TF: variants seen among roughly 807,000 people sequenced by gnomAD.
TF encodes serotransferrin.
TF carries 55 observed loss-of-function variants against 82.4 expected under a neutral mutation model. The ratio of observed to expected loss-of-function variants is 0.67; its 90% CI spans 0.54 to 0.84. TF has a LOEUF of 0.84. Among genes scored for constraint, TF ranks in the 40% least tolerant of loss-of-function variants. The probability of loss-of-function intolerance (pLI) is 0.00; values close to 1 mark genes in which losing one functional copy is unlikely to be tolerated. For missense variants in TF, 737 were observed against 868.4 expected (o/e 0.85, Z 1.90); for synonymous variants, 332 against 332.6 (o/e 1.00, Z 0.02).
At chr3:133,695,617 A>G in the TF span, among the ~76,000 whole-genome samples, 4 of 152,218 alleles carry the variant, frequency 2.6e-5, no homozygotes, top group African/African-American at 9.6e-5. Context: ...AAGTTGCCTT[A>G]TATCTAGAGA....
chr3:133,693,469 T>C, the TF span, among the ~76,000 whole-genome samples: 4 of 152,226 alleles, frequency 2.6e-5, no homozygotes, highest in East Asian at 5.8e-4. Context: ...TACATCTTTT[T>C]GAGTCCGGCC....
the TF span, among the ~76,000 whole-genome samples, chr3:133,732,928 G>A: frequency 2.0e-5 from 3 of 152,314 alleles, no homozygotes; most frequent in South Asian, 4.1e-4. Flanking sequence ...AGAAGTGAAC[G>A]ACCAAGCCAC....
the TF span, among the ~76,000 whole-genome samples, chr3:133,726,772 C>T: frequency 1.7e-3 from 266 of 152,096 alleles, 1 homozygote; most frequent in Non-Finnish European, 3.2e-3. Flanking sequence ...TTGGATCTTT[C>T]CTGCTTTCTC....
the TF span, among the ~76,000 whole-genome samples, chr3:133,727,152 CT>C: frequency 6.6e-6 from 1 of 152,156 alleles, no homozygotes; most frequent in African/African-American, 2.4e-5. Context: ...GTGGAGAGTT[CT>C]GTAGATGTCT....
chr3:133,764,314 C>T (rs1178234119), intron 10 of TF, 39 bp downstream of exon 10: 2 of 1,517,854 alleles, frequency 1.3e-6, no homozygotes, highest in Non-Finnish European at 1.8e-6. Flanking sequence ...TTTCTTCCCT[C>T]AGGGCCATGG....
chr3:133,770,421 T>A (rs1934231402), intron 13 of TF, 87 bp from the exon 14 acceptor site: 1 of 1,225,056 alleles, frequency 8.2e-7, no homozygotes, highest in Non-Finnish European at 1.2e-6. Context: ...CAGATGGCTG[T>A]CCTGAATCTA....
At chr3:133,689,785 T>C in the TF span, among the ~76,000 whole-genome samples, 12 of 152,200 alleles carry the variant, frequency 7.9e-5, no homozygotes, top group Non-Finnish European at 1.8e-4. Flanking sequence ...ATGCAAACTG[T>C]GATAGACATT....
At chr3:133,702,078 C>T in the TF span, 1 of 152,936 alleles carries the variant, frequency 6.5e-6, no homozygotes, top group Non-Finnish European at 1.5e-5. Flanking sequence ...ACTGCCATCA[C>T]AGTTGGAGGG....
upstream of TF, chr3:133,745,837 G>A (rs1933481848): frequency 6.4e-6 from 1 of 157,024 alleles, no homozygotes. Context: ...GCTCCTCCGT[G>A]GGGGACCTTT....
chr3:133,676,823 A>G, the TF span, among the ~76,000 whole-genome samples: 1 of 152,202 alleles, frequency 6.6e-6, no homozygotes, highest in Non-Finnish European at 1.5e-5. Context: ...TGGCAATGTC[A>G]GGCTCTGACC....
At chr3:133,732,539 T>G in the TF span, among the ~76,000 whole-genome samples, 1 of 152,242 alleles carries the variant, frequency 6.6e-6, no homozygotes, top group African/African-American at 2.4e-5. Flanking sequence ...TTTCACAGTG[T>G]GGAAGTTTTA....
chr3:133,772,912 C>T (rs1408872318), intron 14 of TF: 1 of 152,028 alleles, frequency 6.6e-6, no homozygotes, highest in Non-Finnish European at 1.5e-5. Context: ...ACCTTCTTAC[C>T]TTCTTCTGTT....
chr3:133,730,355 A>G, the TF span, among the ~76,000 whole-genome samples: 1 of 152,174 alleles, frequency 6.6e-6, no homozygotes. Context: ...AGGCATGCCT[A>G]TCCTTTATGC....
At chr3:133,707,242 C>T in the TF span, among the ~76,000 whole-genome samples, 53 of 145,790 alleles carry the variant, frequency 3.6e-4, no homozygotes, top group South Asian at 0.011. Flanking sequence ...AGATGGATGA[C>T]AATAATGAAT....
chr3:133,706,176 G>T, the TF span, among the ~76,000 whole-genome samples: 20 of 152,184 alleles, frequency 1.3e-4, no homozygotes, highest in Admixed American at 6.5e-5. Flanking sequence ...CATGCTGCCT[G>T]CCCATCTCTG....
the TF span, among the ~76,000 whole-genome samples, chr3:133,740,985 T>TC: frequency 9.2e-6 from 1 of 108,208 alleles, no homozygotes; most frequent in Non-Finnish European, 1.9e-5. Context: ...GATCCAGCTC[T>TC]ATTTTTTTTT....
Position 133,761,032 on chromosome 3 carries a change from A to C in TF, c.1203+1703A>C, listed in dbSNP as rs945798079. 3 of 154,080 alleles carry C rather than the reference A, an allele frequency of 1.9e-5. No individual in the cohort carries two copies. In the South Asian group the frequency reaches 6.1e-4, roughly 31 times the overall value. 9.5% of individuals were successfully genotyped at this position (154,080 alleles called of 1,614,324 possible). On this transcript the variant is annotated intron_variant, in intron 9 of 16. Transcript: ENST00000402696. ...AGCCACTGACCTGTCCCAATTTCCC[A>C]AGGTTGTTATCATGGACATCATGGC...
chr3:133,735,058 T>C, the TF span, among the ~76,000 whole-genome samples: 2 of 152,078 alleles, frequency 1.3e-5, no homozygotes, highest in African/African-American at 4.8e-5. Context: ...GACTGAGTAT[T>C]AGATGATAAT....
intron 9 of TF, among the ~76,000 whole-genome samples, chr3:133,763,500 C>T (rs1199030656): frequency 6.6e-6 from 1 of 152,144 alleles, no homozygotes; most frequent in Admixed American, 6.5e-5. Context: ...TTTCTTTTTG[C>T]TATTATAAAT....
Sources: gnomAD v4.1 joint callset for allele counts (sites outside exome capture counted in the v4.1 genomes callset) on GRCh38, gnomAD v4.1.1 for gene constraint, MANE v1.5 for transcripts, NCBI Gene and HGNC (gene_info 2026-07-23, HGNC 2026-07-21) for gene names.